Variants in TDP1 observed in about 807,000 individuals in gnomAD.
TDP1 encodes the protein tyrosyl-DNA phosphodiesterase 1, also known as tyr-DNA phosphodiesterase 1.
A neutral mutation model predicts 81.5 loss-of-function variants in TDP1; 64 were observed. That is an observed-to-expected ratio of 0.79 (90% confidence interval 0.64 to 0.97). The LOEUF (loss-of-function observed/expected upper bound fraction) is 0.97. Among genes scored for constraint, TDP1 ranks in the 50% least tolerant of loss-of-function variants. TDP1 has a pLI of 0.00. For missense variants in TDP1, 723 were observed against 743.8 expected, an observed-to-expected ratio of 0.97 and a Z score of 0.33; for synonymous variants, 256 against 264.3, an observed-to-expected ratio of 0.97 and a Z score of 0.30.
chr14:89,979,312 AT>A (rs879808194), intron 7 of TDP1, among the ~76,000 whole-genome samples: 1,970 of 144,464 alleles, frequency 0.014, 15 homozygotes, highest in Non-Finnish European at 0.02. Flanking sequence ...ACATTTAACA[AT>A]TTTTTTTTTT....
intron 10 of TDP1, chr14:89,988,650 T>C: frequency 1.0e-6 from 1 of 981,276 alleles, no homozygotes; most frequent in Non-Finnish European, 1.2e-6. Context: ...AACCTGTTTT[T>C]GCTTTTAGTA....
At position 89,975,873 on chromosome 14, in the gene TDP1, C is replaced by T. The variant is rs11851415; in HGVS notation, c.791+58C>T. 0.027 allele frequency: 38,098 copies of T among 1,414,342 alleles called. 1,206 individuals carry two copies. Among genetic ancestry groups the T allele is most frequent in the African/African-American group, 0.16 (10,970 of 70,622 alleles). 87.6% of individuals were successfully genotyped at this position (1,414,342 alleles called of 1,614,324 possible). A position where few individuals can be genotyped will look rare whatever the true frequency, so the allele number is the denominator to read the frequency against. On this transcript the variant is annotated intron_variant, in intron 7 of 16. Coordinates refer to ENST00000335725, the MANE Select transcript of TDP1 (RefSeq NM_018319.4). ...CAAGCATTGTCATTTGTCCATTACA[C>T]GGTTATTCTTAGGAGAGACTGAGCA...
intron 10 of TDP1, among the ~76,000 whole-genome samples, chr14:89,987,864 T>C (rs975476152): frequency 3.3e-5 from 5 of 152,076 alleles, no homozygotes. Flanking sequence ...GAAAAAATAA[T>C]TGAAAAAATA....
chr14:89,991,494 A>C, intron 12 of TDP1: 2 of 920,292 alleles, frequency 2.2e-6, no homozygotes, highest in Non-Finnish European at 2.6e-6. Context: ...TAGTCCTTAC[A>C]TTCCTGATGG....
intron 14 of TDP1, among the ~76,000 whole-genome samples, chr14:90,007,362 G>A (rs988969011): frequency 2.6e-5 from 4 of 152,164 alleles, no homozygotes; most frequent in African/African-American, 9.7e-5. Flanking sequence ...GCCAAGGCCG[G>A]TGGATCAGTT....
In TDP1 at chr14:89,975,821, C is replaced by A; in HGVS notation, c.791+6C>A. ...GCGTTTGGAACACACCACACGTAAG[C>A]ACTTTTTGTGAAATAGGGGAACCCC... On this transcript the variant is annotated splice_donor_region_variant and intron_variant, in intron 7 of 16. Coordinates refer to ENST00000335725, the MANE Select transcript of TDP1 (RefSeq NM_018319.4). The A allele has an allele frequency of 6.2e-7, 1 of 1,610,822 alleles. No homozygotes were observed. The highest frequency in any genetic ancestry group is 8.5e-7 in the Non-Finnish European group (1 of 1,177,024).
intron 6 of TDP1, among the ~76,000 whole-genome samples, 172 bp downstream of exon 6, chr14:89,971,443 AG>A (rs1401581583): frequency 2.0e-5 from 3 of 152,226 alleles, no homozygotes; most frequent in Non-Finnish European, 4.4e-5. Context: ...TCCCATTCAT[AG>A]TACTCCTCAG....
At chr14:90,026,342 C>T (rs146361706) in intron 15 of TDP1, among the ~76,000 whole-genome samples, 2 of 152,344 alleles carry the variant, frequency 1.3e-5, no homozygotes, top group Admixed American at 6.5e-5. Flanking sequence ...TTTGACATGG[C>T]GTATCTTGGT....
chr14:90,017,814 C>G (rs998300653), intron 14 of TDP1, among the ~76,000 whole-genome samples: 7 of 152,144 alleles, frequency 4.6e-5, no homozygotes, highest in Non-Finnish European at 7.4e-5. Context: ...AAGTTTTTTT[C>G]CTAGAATCAT....
chr14:90,017,307 G>A (rs749877249), intron 14 of TDP1, among the ~76,000 whole-genome samples: 1 of 141,692 alleles, frequency 7.1e-6, no homozygotes, highest in Middle Eastern at 3.2e-3. Flanking sequence ...CCAGGTGCCC[G>A]TGATTCAAAG....
intron 15 of TDP1, among the ~76,000 whole-genome samples, chr14:90,027,234 A>T (rs951960736): frequency 1.3e-5 from 2 of 152,002 alleles, no homozygotes; most frequent in African/African-American, 4.8e-5. Context: ...TCCTGGCAAG[A>T]ATTTCTCTGC....
intron 14 of TDP1, 149 bp from the exon 15 acceptor site, chr14:90,019,167 T>C: frequency 7.1e-7 from 1 of 1,416,668 alleles, no homozygotes; most frequent in Non-Finnish European, 9.6e-7. Context: ...TTAAATTCTC[T>C]TTTCAAAAAT....
intron 16 of TDP1, 43 bp from the exon 17 acceptor site, chr14:90,043,027 C>T (rs367711516): frequency 2.8e-5 from 45 of 1,613,796 alleles, no homozygotes; most frequent in Non-Finnish European, 3.7e-5. Flanking sequence ...CATTTTCTAC[C>T]ATCCTATTCA....
intron 14 of TDP1, among the ~76,000 whole-genome samples, chr14:90,012,022 G>A (rs1488838020): frequency 6.6e-6 from 1 of 152,238 alleles, no homozygotes; most frequent in South Asian, 2.1e-4. Flanking sequence ...AAATGGCTTT[G>A]TGGGCCAGGC....
intron 14 of TDP1, among the ~76,000 whole-genome samples, chr14:90,018,734 C>A (rs1885611290): frequency 6.6e-6 from 1 of 152,118 alleles, no homozygotes; most frequent in Admixed American, 6.5e-5. Flanking sequence ...AGTGAGCCAC[C>A]ATGCCTGGCT....
At chr14:90,034,067 T>G (rs1397507634) in intron 16 of TDP1, among the ~76,000 whole-genome samples, 1 of 150,664 alleles carries the variant, frequency 6.6e-6, no homozygotes, top group Non-Finnish European at 1.5e-5. Context: ...ACCCCAACTC[T>G]AAGGAAAAAA....
intron 15 of TDP1, chr14:90,022,897 G>A: frequency 1.2e-6 from 1 of 825,630 alleles, no homozygotes; most frequent in Non-Finnish European, 1.9e-6. Flanking sequence ...AGGAGAGGCT[G>A]TCCAACGGAA....
intron 3 of TDP1, chr14:89,964,935 G>C: frequency 2.4e-6 from 1 of 408,516 alleles, no homozygotes; most frequent in South Asian, 1.8e-5. Flanking sequence ...AGGTCGTAGA[G>C]CTGGTAATGA....
At chr14:90,030,089 A>G (rs978006261) in intron 15 of TDP1, among the ~76,000 whole-genome samples, 2 of 152,220 alleles carry the variant, frequency 1.3e-5, no homozygotes, top group Non-Finnish European at 2.9e-5. Context: ...GCAAGTAAGC[A>G]GTCTGCAAAA....
Sources: gnomAD v4.1 joint callset for allele counts (sites outside exome capture counted in the v4.1 genomes callset) on GRCh38, gnomAD v4.1.1 for gene constraint, MANE v1.5 for transcripts, NCBI Gene and HGNC (gene_info 2026-07-23, HGNC 2026-07-21) for gene names.